INPP4B: variants seen among roughly 807,000 people sequenced by gnomAD.
INPP4B encodes the protein inositol polyphosphate-4-phosphatase type II B.
In INPP4B, 55 loss-of-function variants were observed where a neutral mutation model predicts 122.5. That is an observed-to-expected ratio of 0.45 (90% CI 0.36 to 0.56). The LOEUF is 0.56. Among genes scored for constraint, INPP4B ranks in the 20% least tolerant of loss-of-function variants. The pLI, the probability that INPP4B is intolerant of heterozygous loss-of-function variation, is 0.00. For missense variants in INPP4B, 1,000 were observed against 1,097.7 expected, an observed-to-expected ratio of 0.91 and a Z score of 1.26; for synonymous variants, 403 against 388.7, an observed-to-expected ratio of 1.04 and a Z score of -0.43.
intron 2 of INPP4B, among the ~76,000 whole-genome samples, chr4:142,497,229 T>C (rs1261382018): frequency 6.6e-6 from 1 of 152,130 alleles, no homozygotes; most frequent in Non-Finnish European, 1.5e-5. Flanking sequence ...TGGTTGTAAC[T>C]AATGTGAGGT....
intron 1 of INPP4B, among the ~76,000 whole-genome samples, chr4:142,835,229 A>C (rs555278411): frequency 6.6e-5 from 10 of 152,148 alleles, no homozygotes; most frequent in Non-Finnish European, 1.0e-4. Context: ...GCCTCCACAC[A>C]ATATTTATCC....
chr4:142,577,566 AC>A (rs1409852135), intron 2 of INPP4B, among the ~76,000 whole-genome samples: 1 of 152,008 alleles, frequency 6.6e-6, no homozygotes, highest in Non-Finnish European at 1.5e-5. Context: ...ATTGTGAAAG[AC>A]ATTTTGCTAT....
At chr4:142,621,841 G>A (rs1745010809) in intron 2 of INPP4B, among the ~76,000 whole-genome samples, 1 of 151,720 alleles carries the variant, frequency 6.6e-6, no homozygotes, top group African/African-American at 2.4e-5. Context: ...AACATTTAGT[G>A]TTTGCACGTT....
chr4:142,692,930 G>GATAGATAGATAGACAGATAGATAGATAC (rs1322306964), intron 2 of INPP4B, among the ~76,000 whole-genome samples: 1 of 150,264 alleles, frequency 6.7e-6, no homozygotes, highest in Non-Finnish European at 1.5e-5. Context: ...TAGATAGATA[G>GATAGATAGATAGACAGATAGATAGATAC]ATAGATACAT....
chr4:142,581,668 G>A (rs896300186), intron 2 of INPP4B, among the ~76,000 whole-genome samples: 9 of 151,288 alleles, frequency 5.9e-5, no homozygotes, highest in Admixed American at 1.3e-4. Context: ...ATAGATAGAA[G>A]TTCTATTCTT....
chr4:142,820,263 C>T (rs762062145), intron 1 of INPP4B, among the ~76,000 whole-genome samples: 16 of 152,252 alleles, frequency 1.1e-4, no homozygotes, highest in South Asian at 6.2e-4. Context: ...GGATTCCCCA[C>T]GAGTAGATGC....
chr4:142,364,768 C>A (rs542136214), intron 7 of INPP4B, among the ~76,000 whole-genome samples: 1 of 152,012 alleles, frequency 6.6e-6, no homozygotes, highest in African/African-American at 2.4e-5. Flanking sequence ...GAAGGAAAGT[C>A]CCCCAACAGA....
intron 2 of INPP4B, among the ~76,000 whole-genome samples, chr4:142,571,895 G>A (rs1481414301): frequency 1.3e-5 from 2 of 152,022 alleles, no homozygotes; most frequent in South Asian, 2.1e-4. Context: ...TATATAGAAA[G>A]CACTCAGTAA....
At position 142,655,833 on chromosome 4, in the gene INPP4B, C is replaced by A. The variant is rs750153308; in HGVS notation, c.-191+70006G>T. On this transcript the variant is annotated intron_variant, in intron 2 of 25. Transcript: ENST00000262992. ...TTTATTTTCTATTTTTACTTGCACT[C>A]TCAAAAGCCTCTTGCATTTTTGTTG... Among the ~76,000 whole-genome samples, 9 of 152,290 alleles carry A rather than the reference C, an allele frequency of 5.9e-5. No individual in the cohort carries two copies. The South Asian group carries it at 6.2e-4, about 11-fold the overall frequency.
chr4:142,589,034 C>T (rs1736852974), intron 2 of INPP4B, among the ~76,000 whole-genome samples: 1 of 151,918 alleles, frequency 6.6e-6, no homozygotes, highest in African/African-American at 2.4e-5. Flanking sequence ...AAACCCAGAA[C>T]TAGACCCACA....
intron 14 of INPP4B, among the ~76,000 whole-genome samples, chr4:142,204,044 C>G (rs918440962): frequency 6.6e-6 from 1 of 151,964 alleles, no homozygotes; most frequent in African/African-American, 2.4e-5. Context: ...GATTCACTAC[C>G]ACCTATGACA....
intron 2 of INPP4B, among the ~76,000 whole-genome samples, chr4:142,709,833 A>G (rs997432911): frequency 5.3e-5 from 8 of 152,052 alleles, no homozygotes; most frequent in Non-Finnish European, 1.2e-4. Flanking sequence ...CCCTCTATCT[A>G]TTGCCCACCT....
intron 21 of INPP4B, among the ~76,000 whole-genome samples, chr4:142,116,272 G>A (rs1461517748): frequency 1.3e-5 from 2 of 152,144 alleles, no homozygotes; most frequent in Middle Eastern, 3.4e-3. Flanking sequence ...AAGTTAACAA[G>A]GATATCCAGG....
At chr4:142,369,853 C>T (rs374396012) in intron 7 of INPP4B, among the ~76,000 whole-genome samples, 2 of 151,238 alleles carry the variant, frequency 1.3e-5, no homozygotes, top group South Asian at 4.2e-4. Context: ...ATTGCTTGAA[C>T]CCAGGAGACG....
At chr4:142,203,296 C>T (rs1305190579) in intron 14 of INPP4B, among the ~76,000 whole-genome samples, 1 of 152,050 alleles carries the variant, frequency 6.6e-6, no homozygotes, top group East Asian at 1.9e-4. Flanking sequence ...TAGATTACAA[C>T]AGATCCATAA....
chr4:142,057,541 G>A (rs1379572086), intron 25 of INPP4B, among the ~76,000 whole-genome samples: 1 of 152,058 alleles, frequency 6.6e-6, no homozygotes, highest in African/African-American at 2.4e-5. Context: ...GCTGGTATTG[G>A]TATGAACATT....
chr4:142,207,487 G>A (rs1321090790), intron 14 of INPP4B, among the ~76,000 whole-genome samples: 1 of 152,148 alleles, frequency 6.6e-6, no homozygotes. Flanking sequence ...AAAACAGAGT[G>A]TCAGAATGAG....
At chr4:142,207,650 C>T (rs983252381) in intron 14 of INPP4B, among the ~76,000 whole-genome samples, 1 of 151,958 alleles carries the variant, frequency 6.6e-6, no homozygotes, top group African/African-American at 2.4e-5. Flanking sequence ...GGAAAGGAAG[C>T]GAGGGTATCA....
chr4:142,656,236 AACCCTGTTTTGCTC>A (rs1754113255), intron 2 of INPP4B, among the ~76,000 whole-genome samples: 1 of 152,196 alleles, frequency 6.6e-6, no homozygotes, highest in African/African-American at 2.4e-5. Context: ...CACCCAATAG[AACCCTGTTTTGCTC>A]ACCCTTTAAA....
Sources: allele counts gnomAD v4.1 joint callset (sites outside exome capture counted in the v4.1 genomes callset), GRCh38; gene constraint gnomAD v4.1.1; transcripts MANE v1.5; gene names NCBI Gene and HGNC (gene_info 2026-07-23, HGNC 2026-07-21).